Variants in PCDHGA8 observed in about 807,000 individuals in gnomAD.
PCDHGA8 encodes protocadherin gamma subfamily A, 8.
In PCDHGA8, 45 loss-of-function variants were observed where a neutral mutation model predicts 59.2. That is an observed-to-expected ratio of 0.76 (90% CI 0.60 to 0.98). PCDHGA8 has a LOEUF of 0.98. Among genes scored for constraint, PCDHGA8 ranks in the 50% least tolerant of loss-of-function variants. The pLI, the probability that PCDHGA8 is intolerant of heterozygous loss-of-function variation, is 0.00. For missense variants in PCDHGA8, 1,257 were observed against 1,196.2 expected, an observed-to-expected ratio of 1.05 and a Z score of -0.75; for synonymous variants, 531 against 519.0, an observed-to-expected ratio of 1.02 and a Z score of -0.32.
At chr5:141,417,340 C>T (rs981474163) in intron 1 of PCDHGA8, 2 of 152,874 alleles carry the variant, frequency 1.3e-5, no homozygotes, top group African/African-American at 4.8e-5. Context: ...GATAGGAGAC[C>T]TATAAACCTT....
intron 1 of PCDHGA8, chr5:141,422,145 G>A: frequency 1.3e-6 from 2 of 1,580,726 alleles, no homozygotes; most frequent in Non-Finnish European, 8.6e-7. Context: ...AAGTACGGGG[G>A]TCTCTGGATT....
intron 1 of PCDHGA8, chr5:141,421,143 A>T (rs2096549098): frequency 3.1e-6 from 3 of 964,414 alleles, no homozygotes; most frequent in Non-Finnish European, 4.5e-6. Flanking sequence ...TTTTGGATGT[A>T]GTCGGCCTAG....
rs768265171 is a variant in PCDHGA8, at chr5:141,432,847, G to T, written c.2424+37610G>T. The T allele has an allele frequency of 6.2e-7, 1 of 1,614,180 alleles. No homozygotes were observed. On this transcript the variant is annotated intron_variant, in intron 1 of 3. Transcript: ENST00000398604. The surrounding 1 kb of genome is among the most constrained non-coding windows in gnomAD (Gnocchi z 6.0). ...ACCTCACTCTGTACCTGGTGGTAGC[G>T]GTGGCCGCGGTCTCCTGCGTCTTCC...
At chr5:141,400,126 G>A (rs1428204829) in intron 1 of PCDHGA8, 2 of 1,613,972 alleles carry the variant, frequency 1.2e-6, no homozygotes, top group East Asian at 2.2e-5. Context: ...CTTGCAGGAG[G>A]TGCTGCCGGA....
chr5:141,487,771 T>C lies in PCDHGA8; in HGVS notation c.2425-7036T>C. The C allele has an allele frequency of 1.3e-6, 2 of 1,537,446 alleles. No homozygotes were observed. Among genetic ancestry groups the C allele is most frequent in the South Asian group, 2.4e-5 (2 of 82,456 alleles). ...ACTATGTGGTAGACGCTGTGCTTTGTAACTGTTTCGTGAATTAACCAGAGT... is the reference window on the plus strand; with the variant it reads ...ACTATGTGGTAGACGCTGTGCTTTGCAACTGTTTCGTGAATTAACCAGAGT... On this transcript the variant is annotated intron_variant, in intron 1 of 3. Coordinates refer to ENST00000398604, the MANE Select transcript of PCDHGA8 (RefSeq NM_032088.2). This position sits in a 1 kb window ranked among gnomAD's most constrained non-coding sequence, Gnocchi z 5.0.
chr5:141,410,255 C>T (rs758117248), intron 1 of PCDHGA8: 26 of 1,614,030 alleles, frequency 1.6e-5, no homozygotes, highest in Non-Finnish European at 1.9e-5. Flanking sequence ...CTCTGACCCC[C>T]AGGCTGAACT....
In PCDHGA8 at chr5:141,399,169, C is replaced by G. The variant is rs371809310; in HGVS notation, c.2424+3932C>G. On this transcript the variant is annotated intron_variant, in intron 1 of 3. Transcript: ENST00000398604. ...TAGCCCAGAAGTTACATTCCATTCT[C>G]TACTTGAAATGATTCTGGAAAACGC... 2.4e-5 allele frequency: 38 copies of G among 1,613,632 alleles called. No individual in the cohort carries two copies. In the African/African-American group the frequency reaches 4.0e-4, roughly 17 times the overall value.
In PCDHGA8 at chr5:141,393,473, G is replaced by A. The variant is rs1190605709; in HGVS notation, c.660G>A (p.Pro220=). 6.2e-7 allele frequency: 1 copy of A among 1,614,044 alleles called. No homozygotes were observed. The highest frequency in any genetic ancestry group is 2.2e-5 in the East Asian group (1 of 44,870). The change falls in exon 1 of 4, where the codon CCG becomes CCA. Residue 220 remains proline, a synonymous_variant. Coordinates refer to ENST00000398604, the MANE Select transcript of PCDHGA8 (RefSeq NM_032088.2). The part of the protein sequence containing the change: ...LVLTASDGGK[P]PRSSTVRIHV... Reference sequence around the variant, plus strand: ...TCACGGCCTCGGATGGCGGCAAGCCGCCTCGCTCTAGCACAGTGCGCATCC... The same window carrying A: ...TCACGGCCTCGGATGGCGGCAAGCCACCTCGCTCTAGCACAGTGCGCATCC...
chr5:141,445,584 G>A lies in PCDHGA8; in HGVS notation c.2425-49223G>A, dbSNP rs540956709. ...AGAAAGCTTATAGTAGGGAAGCTTC[G>A]CCTAATCTGAAGGTCAAGGAAGGCT... On this transcript the variant is annotated intron_variant, in intron 1 of 3. Transcript: ENST00000398604. Among the ~76,000 whole-genome samples, 116 of 152,286 alleles carry A rather than the reference G, an allele frequency of 7.6e-4. 2 individuals are homozygous for A. Among genetic ancestry groups the A allele is most frequent in the Non-Finnish European group, 2.4e-4 (16 of 68,024 alleles).
chr5:141,484,930 G>A (rs992641330), intron 1 of PCDHGA8: 2 of 501,452 alleles, frequency 4.0e-6, no homozygotes, highest in South Asian at 2.6e-5. Flanking sequence ...CTGCTGTTGG[G>A]ACGTTCTCTG....
chr5:141,432,173 G>C lies in PCDHGA8; in HGVS notation c.2424+36936G>C, dbSNP rs771177256. On this transcript the variant is annotated intron_variant, in intron 1 of 3. Transcript: ENST00000398604. This position sits in a 1 kb window ranked among gnomAD's most constrained non-coding sequence, Gnocchi z 6.0. ...GAACAATCCCAGAGGAGTTTCCCTC[G>C]TCTCTGTGACCGCCCACGACCCCGA... The C allele has an allele frequency of 3.1e-6, 5 of 1,614,054 alleles. No homozygotes were observed. Among genetic ancestry groups the C allele is most frequent in the South Asian group, 1.1e-5 (1 of 91,054 alleles).
At position 141,477,751 on chromosome 5, in the gene PCDHGA8, G is replaced by T; in HGVS notation, c.2425-17056G>T. 1.2e-6 allele frequency: 2 copies of T among 1,613,830 alleles called. No homozygotes were observed. Among genetic ancestry groups the T allele is most frequent in the Non-Finnish European group, 1.7e-6 (2 of 1,180,022 alleles). On this transcript the variant is annotated intron_variant, in intron 1 of 3. Coordinates refer to ENST00000398604, the MANE Select transcript of PCDHGA8 (RefSeq NM_032088.2). This position sits in a 1 kb window ranked among gnomAD's most constrained non-coding sequence, Gnocchi z 4.9. ...CTCATATCAGCGATGGGGGCACCCC[G>T]GTCCTAGCCACCAACATCAGCGTGA...
intron 1 of PCDHGA8, chr5:141,426,906 C>T (rs2096969568): frequency 4.4e-6 from 2 of 456,654 alleles, no homozygotes; most frequent in Admixed American, 2.3e-5. Context: ...CTCTCATCTC[C>T]TGGTCCTGGA....
rs2092984834 is a variant in PCDHGA8 at position 141,394,361 on chromosome 5, G to A, written c.1548G>A (p.Ala516=). Residue 516 remains alanine, a synonymous_variant, in exon 1 of 4, where the codon GCG becomes GCA. Transcript: ENST00000398604. ...SINSDTGVLY[A]LQSFDYEQIR... ...ACTCTGACACCGGTGTCCTGTATGC[G>A]CTGCAATCTTTCGACTATGAGCAGA... 15 of 1,614,072 alleles carry A rather than the reference G, an allele frequency of 9.3e-6. No individual in the cohort carries two copies. The highest frequency in any genetic ancestry group is 1.2e-5 in the Non-Finnish European group (14 of 1,180,036).
chr5:141,400,232 C>T (rs2093984634), intron 1 of PCDHGA8: 1 of 1,614,032 alleles, frequency 6.2e-7, no homozygotes. Context: ...TTCCTCCTGG[C>T]CGTGATTCTG....
intron 2 of PCDHGA8, among the ~76,000 whole-genome samples, chr5:141,502,866 C>CTTTTTTCTT (rs2099816532): frequency 7.8e-6 from 1 of 128,046 alleles, no homozygotes; most frequent in African/African-American, 3.1e-5. Context: ...GACTCTCTGT[C>CTTTTTTCTT]TTTTTTTTTT....
At chr5:141,404,266 C>T in intron 1 of PCDHGA8, 1 of 1,613,980 alleles carries the variant, frequency 6.2e-7, no homozygotes. Flanking sequence ...AAATTCACAT[C>T]ACCCTGCAAG....
intron 1 of PCDHGA8, among the ~76,000 whole-genome samples, chr5:141,446,411 G>A (rs778985047): frequency 1.3e-5 from 2 of 152,086 alleles, no homozygotes; most frequent in Non-Finnish European, 2.9e-5. Flanking sequence ...TTGAGTTCCA[G>A]CCATGTTCAT....
intron 1 of PCDHGA8, chr5:141,403,246 G>C: frequency 6.2e-7 from 1 of 1,613,930 alleles, no homozygotes; most frequent in South Asian, 1.1e-5. Flanking sequence ...TCTGTGCTCA[G>C]AGCCCGCGGT....
Sources: gnomAD v4.1 joint callset for allele counts (sites outside exome capture counted in the v4.1 genomes callset) on GRCh38, gnomAD v4.1.1 for gene constraint, Gnocchi (gnomAD v3.1) non-coding constraint, MANE v1.5 for transcripts, NCBI Gene and HGNC (gene_info 2026-07-23, HGNC 2026-07-21) for gene names.